PCDH15: variants seen among roughly 807,000 people sequenced by gnomAD.
The protein encoded by PCDH15 is protocadherin-15.
In PCDH15, 129 loss-of-function variants were observed where a neutral mutation model predicts 178.5. The observed-to-expected ratio is 0.72, with a 90% confidence interval of 0.63 to 0.84. The LOEUF is 0.84. Ranked by LOEUF, PCDH15 falls within the 40% of genes least tolerant of loss-of-function variation. The pLI is 0.00. For synonymous variants in PCDH15, 800 were observed against 732.0 expected, an observed-to-expected ratio of 1.09 and a Z score of -1.50; for missense variants, 2,230 against 2,099.9, an observed-to-expected ratio of 1.06 and a Z score of -1.21.
In PCDH15 at chr10:55,527,531, A is replaced by T. The variant is rs1356627684; in HGVS notation, c.-156+100094T>A. Reference sequence around the variant, plus strand: ...TTACATCAGTAACTACTTCCAAATAAGGTTATATTCTGAGTTTCTAGGTGT... The same window carrying T: ...TTACATCAGTAACTACTTCCAAATATGGTTATATTCTGAGTTTCTAGGTGT... On this transcript the variant is annotated intron_variant, in intron 2 of 5. Coordinates refer to the PCDH15 transcript ENST00000613346. Among the ~76,000 whole-genome samples, 3 of 152,050 alleles carry T rather than the reference A, an allele frequency of 2.0e-5. No individual in the cohort carries two copies. In the East Asian group the frequency reaches 5.8e-4, roughly 29 times the overall value.
At chr10:55,380,104 T>G (rs1257146717) in intron 2 of PCDH15, among the ~76,000 whole-genome samples, 1 of 152,030 alleles carries the variant, frequency 6.6e-6, no homozygotes, top group Non-Finnish European at 1.5e-5. Flanking sequence ...AGAACTCACA[T>G]GAGAAAAATA....
intron 18 of PCDH15, among the ~76,000 whole-genome samples, chr10:54,054,234 G>T (rs2093836187): frequency 1.3e-5 from 2 of 152,218 alleles, no homozygotes; most frequent in South Asian, 4.1e-4. Context: ...TGTAAGTAAA[G>T]CTGTCGGCTT....
At chr10:55,222,805 T>C (rs1041846495) in intron 1 of PCDH15, among the ~76,000 whole-genome samples, 3 of 149,872 alleles carry the variant, frequency 2.0e-5, no homozygotes, top group Non-Finnish European at 3.0e-5. Context: ...TGGGATATTG[T>C]TTTCCCATGG....
chr10:55,113,404 A>C (rs780628249), intron 2 of PCDH15, among the ~76,000 whole-genome samples: 81 of 151,858 alleles, frequency 5.3e-4, no homozygotes, highest in Admixed American at 2.6e-4. Context: ...TTTACATGCA[A>C]GTTCCATGCT....
intron 15 of PCDH15, among the ~76,000 whole-genome samples, chr10:54,126,971 T>A (rs376995514): frequency 6.6e-6 from 1 of 152,204 alleles, no homozygotes; most frequent in East Asian, 1.9e-4. Flanking sequence ...ATTTGGTCAA[T>A]CTGTGCTTCA....
intron 1 of PCDH15, among the ~76,000 whole-genome samples, chr10:54,775,619 C>T (rs1378706345): frequency 1.3e-5 from 2 of 152,088 alleles, no homozygotes; most frequent in Admixed American, 6.5e-5. Flanking sequence ...ATATCTCGGC[C>T]GGGCGCGGTG....
intron 8 of PCDH15, among the ~76,000 whole-genome samples, chr10:54,311,851 C>T (rs189355035): frequency 4.0e-5 from 6 of 151,888 alleles, no homozygotes; most frequent in East Asian, 3.9e-4. Context: ...TGATATAAAG[C>T]GATTTTTATT....
intron 2 of PCDH15, among the ~76,000 whole-genome samples, chr10:55,100,817 G>T (rs1246694541): frequency 6.6e-6 from 1 of 152,090 alleles, no homozygotes; most frequent in Non-Finnish European, 1.5e-5. Flanking sequence ...ATGAGTTTTG[G>T]AGGGGAAAAT....
chr10:55,421,935 A>C (rs1285199311), intron 2 of PCDH15, among the ~76,000 whole-genome samples: 2 of 151,794 alleles, frequency 1.3e-5, no homozygotes, highest in Non-Finnish European at 3.0e-5. Context: ...CCAGTCAATT[A>C]GCATATTTAT....
chr10:53,806,600 A>G lies in PCDH15; in HGVS notation c.5202T>C (p.His1734=). The change falls in exon 38 of 38, where the codon CAT becomes CAC. Residue 1734 remains histidine (H), a synonymous_variant. Transcript: ENST00000644397. The stretch of plus-strand genomic sequence containing the variant: ...TTGGTCACAGTTTTGTCATTGGTAT[A>G]TGGAGGTTGTTCCAGGGGCCCATCC... ...ELWMGPWNNL[H]IPMTKL 1.9e-6 allele frequency: 3 copies of G among 1,613,370 alleles called. No homozygotes were observed. Among genetic ancestry groups the G allele is most frequent in the Non-Finnish European group, 2.5e-6 (3 of 1,179,514 alleles).
intron 1 of PCDH15, among the ~76,000 whole-genome samples, chr10:55,229,397 G>A (rs1469442995): frequency 6.6e-6 from 1 of 151,538 alleles, no homozygotes; most frequent in Non-Finnish European, 1.5e-5. Context: ...ACCAAGAAAT[G>A]TGTACTATTC....
Position 55,580,908 on chromosome 10 carries a change from T to C in PCDH15, c.-156+46717A>G, listed in dbSNP as rs78748327. 1.7e-3 allele frequency among the ~76,000 whole-genome samples: 258 copies of C among 152,284 alleles called. 1 individual carries two copies. The highest frequency in any genetic ancestry group is 5.9e-3 in the African/African-American group (244 of 41,564). On this transcript the variant is annotated intron_variant, in intron 2 of 5. Coordinates refer to the PCDH15 transcript ENST00000613346. The stretch of plus-strand genomic sequence containing the variant: ...GTTGAAGTTCATGAACCATCACAGA[T>C]GGAAAACTCAAATTTCCATCAAGAA...
intron 3 of PCDH15, among the ~76,000 whole-genome samples, chr10:54,866,326 T>C (rs1258752477): frequency 6.6e-6 from 1 of 152,158 alleles, no homozygotes; most frequent in East Asian, 1.9e-4. Context: ...CAGTTCAGGA[T>C]TGTAAATATG....
In PCDH15 at chr10:53,805,149, G is replaced by A. The variant is rs781468933; in HGVS notation, c.*1430C>T. 15 of 151,898 alleles carry A rather than the reference G, an allele frequency of 9.9e-5. No homozygotes were observed. Among genetic ancestry groups the A allele is most frequent in the African/African-American group, 2.7e-4 (11 of 41,378 alleles). 9.4% of individuals were successfully genotyped at this position (151,898 alleles called of 1,614,324 possible). A position where few individuals can be genotyped will look rare whatever the true frequency, so the allele number is the denominator to read the frequency against. ...TAATAATAAACAATTTTTAAGACGC[G>A]AAACATGTAAGAGGGGAATAAATAA... On this transcript the variant is annotated 3_prime_UTR_variant, in exon 38 of 38. Coordinates refer to ENST00000644397, the MANE Select transcript of PCDH15 (RefSeq NM_001384140.1).
chr10:54,849,789 A>G (rs1953582737), intron 3 of PCDH15, among the ~76,000 whole-genome samples: 1 of 152,186 alleles, frequency 6.6e-6, no homozygotes. Flanking sequence ...GACTATAAAT[A>G]CTTCCAGAGT....
intron 6 of PCDH15, among the ~76,000 whole-genome samples, chr10:54,342,187 C>T (rs1271016111): frequency 6.6e-6 from 1 of 152,120 alleles, no homozygotes; most frequent in East Asian, 1.9e-4. Flanking sequence ...GCCTCCAGGG[C>T]ATTTTAGGGA....
intron 1 of PCDH15, among the ~76,000 whole-genome samples, chr10:54,792,538 GT>G (rs989881783): frequency 1.3e-5 from 2 of 151,922 alleles, no homozygotes; most frequent in African/African-American, 4.8e-5. Flanking sequence ...GACAACCCAA[GT>G]GTGGATGCGC....
chr10:54,301,981 G>T (rs2060176295), intron 8 of PCDH15, among the ~76,000 whole-genome samples: 2 of 152,044 alleles, frequency 1.3e-5, no homozygotes, highest in Non-Finnish European at 2.9e-5. Context: ...GTGGTTGCTG[G>T]CTGTTTTTTT....
chr10:54,689,514 C>G (rs557754811), intron 1 of PCDH15, among the ~76,000 whole-genome samples: 1 of 152,132 alleles, frequency 6.6e-6, no homozygotes, highest in Admixed American at 6.6e-5. Context: ...AACTTACCAG[C>G]CATGAAAAGC....
Sources: allele counts gnomAD v4.1 joint callset (sites outside exome capture counted in the v4.1 genomes callset), GRCh38; gene constraint gnomAD v4.1.1; transcripts MANE v1.5; gene names NCBI Gene and HGNC (gene_info 2026-07-23, HGNC 2026-07-21).